Variants in TP63 observed in about 807,000 individuals in gnomAD.
TP63 encodes tumor protein p63, also known as tumor protein 63.
In TP63, 17 loss-of-function variants were observed where a neutral mutation model predicts 82.8. The ratio of observed to expected loss-of-function variants is 0.21; its 90% CI spans 0.14 to 0.31. TP63 has a LOEUF of 0.31. Among genes scored for constraint, TP63 ranks in the 10% least tolerant of loss-of-function variants. The pLI is 1.00. For missense variants in TP63, 648 were observed against 895.3 expected, an observed-to-expected ratio of 0.72 and a Z score of 3.52; for synonymous variants, 330 against 321.7, an observed-to-expected ratio of 1.03 and a Z score of -0.28.
chr3:189,746,066 C>T (rs1183116429), intron 3 of TP63, among the ~76,000 whole-genome samples: 7 of 152,012 alleles, frequency 4.6e-5, no homozygotes, highest in Non-Finnish European at 1.5e-5. Context: ...AGTTTCGGAA[C>T]TCTCCAAATA....
chr3:189,732,229 A>G (rs1188420350), intron 1 of TP63, among the ~76,000 whole-genome samples: 2 of 151,720 alleles, frequency 1.3e-5, no homozygotes, highest in Admixed American at 1.3e-4. Context: ...CTGGAAACAC[A>G]AGCTGAAAAT....
chr3:189,685,230 G>A (rs1443674981), intron 1 of TP63, among the ~76,000 whole-genome samples: 1 of 152,204 alleles, frequency 6.6e-6, no homozygotes, highest in Non-Finnish European at 1.5e-5. Context: ...ATGGCATGGG[G>A]AGGATGCTAA....
intron 3 of TP63, among the ~76,000 whole-genome samples, chr3:189,802,789 A>T (rs1233999939): frequency 6.6e-6 from 1 of 152,156 alleles, no homozygotes; most frequent in African/African-American, 2.4e-5. Context: ...ATTTCTTCCA[A>T]GTGAAATTTG....
chr3:189,857,848 T>C (rs1405652830), intron 4 of TP63, among the ~76,000 whole-genome samples: 1 of 152,220 alleles, frequency 6.6e-6, no homozygotes, highest in African/African-American at 2.4e-5. Flanking sequence ...TTAGCGAGGA[T>C]GTGGAGAGAA....
chr3:189,687,509 G>A (rs1716544979), intron 1 of TP63, among the ~76,000 whole-genome samples: 1 of 152,174 alleles, frequency 6.6e-6, no homozygotes, highest in Admixed American at 6.5e-5. Context: ...TGTAAAAGGG[G>A]AACCTAGTTT....
At chr3:189,640,693 A>G (rs1711773812) in intron 1 of TP63, among the ~76,000 whole-genome samples, 1 of 152,186 alleles carries the variant, frequency 6.6e-6, no homozygotes, top group South Asian at 2.1e-4. Flanking sequence ...GCTTTAAAGC[A>G]GTGAAGTGGA....
rs574017626 is a variant in TP63, at chr3:189,719,855, A to G, written c.63-17885A>G. On this transcript the variant is annotated intron_variant, in intron 1 of 13. Transcript: ENST00000264731. ...AAAGCAAATTTCTTTCTTGAAATGT[A>G]GATAAAGCCTGGGTTTGTCCTCTAA... 2.0e-5 allele frequency among the ~76,000 whole-genome samples: 3 copies of G among 152,362 alleles called. No homozygotes were observed. In the East Asian group the frequency reaches 5.8e-4, roughly 29 times the overall value.
At chr3:189,842,158 T>C (rs1714219013) in intron 4 of TP63, among the ~76,000 whole-genome samples, 1 of 152,086 alleles carries the variant, frequency 6.6e-6, no homozygotes, top group South Asian at 2.1e-4. Context: ...TGCAGAGCAG[T>C]GTGCTGAGAC....
intron 3 of TP63, among the ~76,000 whole-genome samples, chr3:189,766,705 A>G (rs1722983342): frequency 6.6e-6 from 1 of 152,182 alleles, no homozygotes; most frequent in Non-Finnish European, 1.5e-5. Context: ...AACATAAATC[A>G]TGTTTAAAAA....
chr3:189,773,734 T>G (rs918552070), intron 3 of TP63, among the ~76,000 whole-genome samples: 1 of 152,078 alleles, frequency 6.6e-6, no homozygotes. Flanking sequence ...TTTTTTTTTC[T>G]AGTTTATGTC....
chr3:189,683,995 G>T (rs1473472312), intron 1 of TP63, among the ~76,000 whole-genome samples: 1 of 152,164 alleles, frequency 6.6e-6, no homozygotes, highest in African/African-American at 2.4e-5. Context: ...CTGGACATCT[G>T]CAGCTTCAGC....
At chr3:189,820,223 T>C (rs1309061406) in intron 4 of TP63, among the ~76,000 whole-genome samples, 1 of 152,220 alleles carries the variant, frequency 6.6e-6, no homozygotes, top group Non-Finnish European at 1.5e-5. Flanking sequence ...GTGATGTAGA[T>C]GGGGACAAGA....
At chr3:189,818,060 T>C (rs181476440) in intron 4 of TP63, among the ~76,000 whole-genome samples, 20 of 152,026 alleles carry the variant, frequency 1.3e-4, no homozygotes, top group Middle Eastern at 3.5e-3. Context: ...TTGAAAGATA[T>C]TCCTTTCTTC....
intron 4 of TP63, among the ~76,000 whole-genome samples, chr3:189,817,444 C>T (rs999439761): frequency 2.6e-5 from 4 of 152,076 alleles, no homozygotes; most frequent in Non-Finnish European, 4.4e-5. Flanking sequence ...TCTTTTGTCT[C>T]TGTCTGTATG....
intron 1 of TP63, among the ~76,000 whole-genome samples, chr3:189,707,039 C>G (rs940931298): frequency 3.3e-5 from 5 of 152,114 alleles, no homozygotes; most frequent in African/African-American, 1.2e-4. Flanking sequence ...AGTGTATATA[C>G]AGATGAAGCA....
chr3:189,604,922 G>T, the TP63 span, among the ~76,000 whole-genome samples: 1 of 152,162 alleles, frequency 6.6e-6, no homozygotes, highest in Admixed American at 6.5e-5. Context: ...AAGCCACCCA[G>T]GAAAGAAGTG....
the TP63 span, among the ~76,000 whole-genome samples, chr3:189,600,940 CTT>C: frequency 6.6e-6 from 1 of 152,198 alleles, no homozygotes; most frequent in Non-Finnish European, 1.5e-5. Context: ...ATACAGCTGT[CTT>C]TGCTATATAG....
At chr3:189,682,553 AATATATATATATATATATAT>A (rs1179179631) in intron 1 of TP63, among the ~76,000 whole-genome samples, 1 of 10,374 alleles carries the variant, frequency 9.6e-5, no homozygotes, top group East Asian at 0.011. Context: ...AAAAAAAAAA[AATATATATATATATATATAT>A]ATATATATAT....
rs376062998 is a variant in TP63 at position 189,873,103 on chromosome 3, A to T, written c.1349+108A>T. On this transcript the variant is annotated intron_variant, in intron 10 of 13. Transcript: ENST00000264731. ...TGTGGAACATAATGGGAGATAGCAG[A>T]TTGTCATAGATTCAGATGACCTGGT... is the stretch of plus-strand genomic sequence containing the variant. 129 of 1,551,260 alleles carry T rather than the reference A, an allele frequency of 8.3e-5. 1 individual carries two copies. The African/African-American group carries it at 1.0e-3, about 12-fold the overall frequency.
Sources: allele counts gnomAD v4.1 joint callset (sites outside exome capture counted in the v4.1 genomes callset), GRCh38; gene constraint gnomAD v4.1.1; transcripts MANE v1.5; gene names NCBI Gene and HGNC (gene_info 2026-07-23, HGNC 2026-07-21).